Variants in ROR2 observed in about 807,000 individuals in gnomAD.
The protein encoded by ROR2 is ROR family WNT receptor 2, also known as tyrosine-protein kinase transmembrane receptor ROR2.
A neutral mutation model predicts 74.9 loss-of-function variants in ROR2; 33 were observed. That is an observed-to-expected ratio of 0.44 (90% CI 0.33 to 0.59). The LOEUF is 0.59. ROR2 is among the 20% of genes least tolerant of loss of function. The pLI, the probability that ROR2 is intolerant of heterozygous loss-of-function variation, is 0.02. For synonymous variants in ROR2, 586 were observed against 558.7 expected (o/e 1.05, Z -0.69); for missense variants, 1,216 against 1,313.8 (o/e 0.93, Z 1.15).
At chr9:91,732,723 C>T (rs10992072) in intron 6 of ROR2, among the ~76,000 whole-genome samples, 24,557 of 152,212 alleles carry the variant, frequency 0.16, 2,203 homozygotes, top group Middle Eastern at 0.24. Flanking sequence ...CCTGGCGGCC[C>T]GAGTGCGTGC....
chr9:91,841,646 G>C (rs1587772402), intron 1 of ROR2, among the ~76,000 whole-genome samples: 1 of 152,198 alleles, frequency 6.6e-6, no homozygotes, highest in East Asian at 1.9e-4. Context: ...GTACAGCCCG[G>C]TGGGCTCCTG....
intron 1 of ROR2, among the ~76,000 whole-genome samples, chr9:91,823,000 A>G: frequency 6.6e-6 from 1 of 152,228 alleles, no homozygotes; most frequent in East Asian, 1.9e-4. Context: ...GACATTCTGG[A>G]AGATAACTAG....
intron 1 of ROR2, among the ~76,000 whole-genome samples, chr9:91,949,228 C>T (rs533524430): frequency 4.6e-5 from 7 of 151,882 alleles, no homozygotes; most frequent in Non-Finnish European, 2.9e-5. Context: ...CACCCCAGAG[C>T]GGTGGGGGAG....
At chr9:91,884,388 TG>T (rs1274808592) in intron 1 of ROR2, among the ~76,000 whole-genome samples, 2 of 147,884 alleles carry the variant, frequency 1.4e-5, no homozygotes, top group Non-Finnish European at 3.0e-5. Flanking sequence ...CCAGGAGTCA[TG>T]GGGGGTGGGG....
chr9:91,851,832 C>T (rs1284819037), intron 1 of ROR2, among the ~76,000 whole-genome samples: 2 of 151,876 alleles, frequency 1.3e-5, no homozygotes, highest in African/African-American at 2.4e-5. Context: ...AAGAATTAGC[C>T]GGATGTGGTA....
Position 91,948,893 on chromosome 9 carries a change from G to T in ROR2, c.97+974C>A, listed in dbSNP as rs552924438. ...AGAATCCGGCCCGAGGCGCGCGGGC[G>T]GGAGGTGCTCCCGGAGTCTGCACCG... On this transcript the variant is annotated intron_variant, in intron 1 of 8. Transcript: ENST00000375708. The T allele has an allele frequency of 4.1e-6, 4 of 985,110 alleles. No individual in the cohort carries two copies. In the East Asian group the frequency reaches 3.4e-4, roughly 84 times the overall value. The allele number at this position is 985,110 out of a possible 1,614,324, so 61.0% of individuals were successfully genotyped here.
intron 1 of ROR2, among the ~76,000 whole-genome samples, chr9:91,800,787 G>A (rs144779991): frequency 2.3e-3 from 351 of 152,334 alleles, no homozygotes; most frequent in African/African-American, 8.0e-3. Context: ...TCACAGCCAC[G>A]CTTCCAAAGA....
At chr9:91,755,607 A>T (rs1240230125) in intron 4 of ROR2, among the ~76,000 whole-genome samples, 1 of 152,216 alleles carries the variant, frequency 6.6e-6, no homozygotes. Context: ...CCTGGCTGTG[A>T]GCCTCGGTCT....
chr9:91,939,134 C>A (rs1201124222), intron 1 of ROR2, among the ~76,000 whole-genome samples: 1 of 152,036 alleles, frequency 6.6e-6, no homozygotes, highest in East Asian at 1.9e-4. Flanking sequence ...CCTGTAGTCC[C>A]AGCTACTCAG....
intron 1 of ROR2, among the ~76,000 whole-genome samples, chr9:91,843,222 T>A (rs1828836384): frequency 1.3e-5 from 2 of 152,158 alleles, no homozygotes; most frequent in South Asian, 4.1e-4. Context: ...GTACAGGAAC[T>A]AGAGGATGTC....
Position 91,937,029 on chromosome 9 carries a change from C to CAAAAAAAAAAAAAAA in ROR2, c.97+12823_97+12837dup, listed in dbSNP as rs540672189. 7.2e-4 allele frequency among the ~76,000 whole-genome samples: 47 copies of CAAAAAAAAAAAAAAA among 65,636 alleles called. 1 individual carries two copies. Among genetic ancestry groups the CAAAAAAAAAAAAAAA allele is most frequent in the South Asian group, 4.0e-3 (6 of 1,490 alleles). The allele number at this position is 65,636 out of a possible 152,430, so 43.1% of individuals were successfully genotyped here. A position where few individuals can be genotyped will look rare whatever the true frequency, so the allele number is the denominator to read the frequency against. On this transcript the variant is annotated intron_variant, in intron 1 of 8. Coordinates refer to ENST00000375708, the MANE Select transcript of ROR2 (RefSeq NM_004560.4). ...TGGGCGACAGAGCGAGACTCCGTCT[C>CAAAAAAAAAAAAAAA]AAAAAAAAAAAAAAAAAAGATTTCC...
chr9:91,882,014 T>A (rs779441750), intron 1 of ROR2, among the ~76,000 whole-genome samples: 2 of 152,164 alleles, frequency 1.3e-5, no homozygotes, highest in Non-Finnish European at 2.9e-5. Context: ...CCTCTCCTTG[T>A]CATGTACAGG....
intron 1 of ROR2, among the ~76,000 whole-genome samples, chr9:91,876,816 G>T: frequency 6.6e-6 from 1 of 152,084 alleles, no homozygotes; most frequent in East Asian, 1.9e-4. Context: ...ACAGTGAGGA[G>T]AAGAAAGAAG....
chr9:91,884,703 A>G (rs1380951828), intron 1 of ROR2, among the ~76,000 whole-genome samples: 5 of 152,242 alleles, frequency 3.3e-5, no homozygotes, highest in African/African-American at 9.6e-5. Flanking sequence ...GCGGGCTGTC[A>G]TACACATTCA....
chr9:91,803,910 G>A (rs1202449721), intron 1 of ROR2, among the ~76,000 whole-genome samples: 1 of 152,220 alleles, frequency 6.6e-6, no homozygotes, highest in Non-Finnish European at 1.5e-5. Flanking sequence ...CAACTCCATG[G>A]CATAAAACAC....
At chr9:91,902,330 C>T (rs944402834) in intron 1 of ROR2, among the ~76,000 whole-genome samples, 3 of 152,184 alleles carry the variant, frequency 2.0e-5, no homozygotes, top group Non-Finnish European at 1.5e-5. Context: ...ACTTCCCCTT[C>T]GCTGTCAGGG....
intron 1 of ROR2, chr9:91,923,956 G>C (rs2117882042): frequency 6.6e-6 from 1 of 152,352 alleles, no homozygotes; most frequent in African/African-American, 2.4e-5. Context: ...GAGAAATCAG[G>C]GCACATGGGT....
chr9:91,765,423 GC>G (rs1441295904), intron 2 of ROR2, among the ~76,000 whole-genome samples: 1 of 152,198 alleles, frequency 6.6e-6, no homozygotes, highest in Non-Finnish European at 1.5e-5. Flanking sequence ...CGACAAGTGT[GC>G]TGTGTAATTT....
intron 8 of ROR2, among the ~76,000 whole-genome samples, chr9:91,726,079 G>GGGGT (rs1486258424): frequency 1.3e-5 from 2 of 152,230 alleles, no homozygotes; most frequent in African/African-American, 2.4e-5. Context: ...TCTGGGATGA[G>GGGGT]GGGTGGCCTT....
Sources: gnomAD v4.1 joint callset for allele counts (sites outside exome capture counted in the v4.1 genomes callset) on GRCh38, gnomAD v4.1.1 for gene constraint, MANE v1.5 for transcripts, NCBI Gene and HGNC (gene_info 2026-07-23, HGNC 2026-07-21) for gene names.